TTN: variants seen among roughly 807,000 people sequenced by gnomAD.
TTN encodes the protein connectin.
A neutral mutation model predicts 3,223.0 loss-of-function variants in TTN; 1,525 were observed. That is an observed-to-expected ratio of 0.47 (90% CI 0.45 to 0.49). The LOEUF is 0.49. Ranked by LOEUF, TTN falls within the 20% of genes least tolerant of loss-of-function variation. The probability of loss-of-function intolerance (pLI) is 0.00; values close to 1 mark genes in which losing one functional copy is unlikely to be tolerated. For missense variants in TTN, 40,786 were observed against 43,424.0 expected (o/e 0.94, Z 5.40); for synonymous variants, 14,094 against 15,161.0 (o/e 0.93, Z 5.17).
Position 178,631,267 on chromosome 2 carries a change from T to C in TTN, c.43781A>G (p.Asp14594Gly). Reference sequence around the variant, plus strand: ...TTCATCTTTCTCTACACCAGTATAATCTTGAAGTTTTCCTGTAAAATATGG... The same window carrying C: ...TTCATCTTTCTCTACACCAGTATAACCTTGAAGTTTTCCTGTAAAATATGG... ...GDPYFTGKLQ[D>G]YTGVEKDEVI... Residue 14594 changes from aspartate (D) to glycine (G), a missense_variant, in exon 237 of 363, where the codon GAT (aspartate) becomes GGT (glycine). Asp to Gly is a moderately conservative substitution (Grantham distance 94). Coordinates refer to ENST00000589042, the MANE Select transcript of TTN (RefSeq NM_001267550.2). The C allele has an allele frequency of 1.2e-6, 2 of 1,610,994 alleles. No individual in the cohort carries two copies. Among genetic ancestry groups the C allele is most frequent in the Admixed American group, 3.3e-5 (2 of 59,830 alleles).
intron 76 of TTN, 43 bp from the exon 77 acceptor site, chr2:178,722,589 T>C (rs977443031): frequency 3.1e-6 from 5 of 1,590,640 alleles, no homozygotes; most frequent in Admixed American, 1.8e-5. Flanking sequence ...GGAGATGAAA[T>C]GAGAAGTTCA....
Position 178,533,138 on chromosome 2 carries a change from C to A in TTN, c.103477G>T (p.Val34493Leu), listed in dbSNP as rs1166346683. The A allele has an allele frequency of 3.1e-6, 5 of 1,613,882 alleles. No homozygotes were observed. The highest frequency in any genetic ancestry group is 4.2e-6 in the Non-Finnish European group (5 of 1,179,884). Residue 34493 changes from valine to leucine, a missense_variant, in exon 358 of 363, where the codon GTA (valine) becomes TTA (leucine). Physicochemically the swap from Val to Leu is conservative, Grantham distance 32. Transcript: ENST00000589042. ...MAEILSGTESVPLTQVAKEAL... is the reference protein window; with the variant it reads ...MAEILSGTESLPLTQVAKEAL... ...TCTTTAGCTACCTGTGTCAGTGGTA[C>A]ACTTTCAGTTCCAGAAAGAATTTCA...
chr2:178,705,188 C>T lies in TTN; in HGVS notation c.29590G>A (p.Glu9864Lys), dbSNP rs776836480. 3 of 1,613,138 alleles carry T rather than the reference C, an allele frequency of 1.9e-6. No homozygotes were observed. In the African/African-American group the frequency reaches 4.0e-5, roughly 22 times the overall value. Residue 9864 changes from glutamate to lysine, a missense_variant, in exon 103 of 363, where the codon GAG becomes AAG. By Grantham distance (56) the Glu-to-Lys change is moderately conservative. Coordinates refer to ENST00000589042, the MANE Select transcript of TTN (RefSeq NM_001267550.2). ...AAGGAGCATACCAGTCTATGTGTCT[C>T]TTCTTCTTGGCTTTGCTTGAGCAGT... ...FELLKQSQEE[E>K]THRLEIEEIE...
rs574956800 is a variant in TTN at position 178,668,872 on chromosome 2, A to AC, written c.35545+500dup. 6.5e-3 allele frequency among the ~76,000 whole-genome samples: 943 copies of AC among 145,344 alleles called. 7 individuals carry two copies. The highest frequency in any genetic ancestry group is 0.025 in the East Asian group (122 of 4,920). On this transcript the variant is annotated intron_variant, in intron 159 of 362. Coordinates refer to ENST00000589042, the MANE Select transcript of TTN (RefSeq NM_001267550.2). The stretch of plus-strand genomic sequence containing the variant: ...TTATTTAAACCTAATTTTGTATGAA[A>AC]CCCCCCCCCAAAAAAAAAGGTCGTG...
Position 178,616,819 on chromosome 2 carries a change from G to C in TTN, c.48070C>G (p.Pro16024Ala), listed in dbSNP as rs750357667. The C allele has an allele frequency of 5.6e-6, 9 of 1,612,522 alleles. No homozygotes were observed. The African/African-American group carries it at 1.1e-4, about 19-fold the overall frequency. ...LSAYAELVIS[P>A]SERSDKGIYT... is the part of the protein sequence containing the mutation. ...ATGCCCTTGTCTGAACGTTCACTTG[G>C]AGAAATGACAAGTTCGGCATAGGCA... The change falls in exon 256 of 363, where the codon CCA (proline) becomes GCA (alanine). Residue 16024 changes from proline (P) to alanine (A), a missense_variant. Coordinates refer to ENST00000589042, the MANE Select transcript of TTN (RefSeq NM_001267550.2).
Position 178,613,762 on chromosome 2 carries a change from G to A in TTN, c.49521C>T (p.Asp16507=). 1 of 1,612,188 alleles carries A rather than the reference G, an allele frequency of 6.2e-7. No individual in the cohort carries two copies. The highest frequency in any genetic ancestry group is 1.3e-5 in the African/African-American group (1 of 74,852). Residue 16507 remains aspartate (D), a synonymous_variant, in exon 263 of 363, where the codon GAC becomes GAT. Coordinates refer to ENST00000589042, the MANE Select transcript of TTN (RefSeq NM_001267550.2). The part of the protein sequence containing the change: ...WVRCNKMPVK[D]TTYRVKGLTN... ...GATTCTGAGCATACCTGTATGTTGT[G>A]TCCTTTACTGGCATCTTATTGCATC... is the stretch of plus-strand genomic sequence containing the variant.
intron 47 of TTN, chr2:178,746,849 G>T: frequency 6.2e-7 from 1 of 1,613,422 alleles, no homozygotes; most frequent in Non-Finnish European, 8.5e-7. Context: ...TTCAATAAAA[G>T]ATGGAGGCAT....
In TTN at chr2:178,704,415, T is replaced by C; in HGVS notation, c.29963-8A>G. The C allele has an allele frequency of 6.2e-7, 1 of 1,610,992 alleles. No individual in the cohort carries two copies. The highest frequency in any genetic ancestry group is 1.1e-5 in the South Asian group (1 of 90,860). On this transcript the variant is annotated splice_polypyrimidine_tract_variant and splice_region_variant and intron_variant, in intron 105 of 362. Coordinates refer to ENST00000589042, the MANE Select transcript of TTN (RefSeq NM_001267550.2). ...GCCGTTCCCATGCAGGCTCTGTTCA[T>C]GTGATACAACACGCATTTTGTTCAA...
At position 178,576,848 on chromosome 2, in the gene TTN, T is replaced by C. The variant is rs1373585554; in HGVS notation, c.69413-17A>G. On this transcript the variant is annotated splice_polypyrimidine_tract_variant and intron_variant, in intron 324 of 362. Coordinates refer to ENST00000589042, the MANE Select transcript of TTN (RefSeq NM_001267550.2). This position sits in a 1 kb window ranked among gnomAD's most constrained non-coding sequence, Gnocchi z 4.3. Reference sequence around the variant, plus strand: ...CAGGGGGACCTGAAAAGGAAGCAAATTTATTAGAAATCCATGATTTCCTAA... The same window carrying C: ...CAGGGGGACCTGAAAAGGAAGCAAACTTATTAGAAATCCATGATTTCCTAA... 1 of 1,602,296 alleles carries C rather than the reference T, an allele frequency of 6.2e-7. No homozygotes were observed. Among genetic ancestry groups the C allele is most frequent in the South Asian group, 1.1e-5 (1 of 88,226 alleles).
Position 178,776,032 on chromosome 2 carries a change from T to C in TTN, c.5832A>G (p.Glu1944=), listed in dbSNP as rs1180972185. 1 of 1,614,016 alleles carries C rather than the reference T, an allele frequency of 6.2e-7. No individual in the cohort carries two copies. Among genetic ancestry groups the C allele is most frequent in the African/African-American group, 1.3e-5 (1 of 74,910 alleles). The change falls in exon 28 of 363, where the codon GAA becomes GAG. Residue 1944 remains glutamate, a synonymous_variant. Transcript: ENST00000589042. The stretch of plus-strand genomic sequence containing the variant: ...CATGTACGTGAAACTCAGGCCTTGG[T>C]TCAGGAGCTCTCCTAAGGACAGACC... ...DFRSVLRRAP[E]PRPEFHVHEP... is the part of the protein sequence containing the mutation.
At position 178,695,863 on chromosome 2, in the gene TTN, A is replaced by G. The variant is rs1280035022; in HGVS notation, c.31207+2T>C. 24 of 1,443,434 alleles carry G rather than the reference A, an allele frequency of 1.7e-5. No individual in the cohort carries two copies. The highest frequency in any genetic ancestry group is 1.8e-5 in the Non-Finnish European group (20 of 1,098,252). 89.4% of individuals were successfully genotyped at this position (1,443,434 alleles called of 1,614,324 possible). A position where few individuals can be genotyped will look rare whatever the true frequency, so the allele number is the denominator to read the frequency against. On this transcript the variant is annotated splice_donor_variant, in intron 114 of 362. Coordinates refer to ENST00000589042, the MANE Select transcript of TTN (RefSeq NM_001267550.2). LOFTEE classifies it high-confidence loss of function. ...GAAACAAGTCATTCAGTTTATACATACCTTCATAGACCTCCTTTTGAACTT... is the reference window on the plus strand; with the variant it reads ...GAAACAAGTCATTCAGTTTATACATGCCTTCATAGACCTCCTTTTGAACTT...
In TTN at chr2:178,594,667, ATTGTGGT is replaced by A. The variant is rs1342707968; in HGVS notation, c.57848-28_57848-22del. 2.6e-6 allele frequency: 4 copies of A among 1,547,280 alleles called. No homozygotes were observed. The Admixed American group carries it at 6.1e-5, about 24-fold the overall frequency. On this transcript the variant is annotated intron_variant, in intron 295 of 362. Transcript: ENST00000589042. ...TACAGCTGCGAATATAAGTATAGGA[ATTGTGGT>A]AGAAAAAAATGTCACATTAAGAATG... is the stretch of plus-strand genomic sequence containing the variant.
chr2:178,673,750 T>G, intron 151 of TTN, 40 bp from the exon 152 acceptor site: 1 of 1,481,324 alleles, frequency 6.8e-7, no homozygotes, highest in East Asian at 2.3e-5. Flanking sequence ...AAGTGGCATG[T>G]GATGAGCAGA....
At chr2:178,650,377 A>C (rs1476567049) in intron 209 of TTN, 106 bp from the exon 210 acceptor site, 1 of 1,061,218 alleles carries the variant, frequency 9.4e-7, no homozygotes, top group Middle Eastern at 3.1e-4. Flanking sequence ...CTTTGTTTCA[A>C]TTGATACCTT....
Position 178,741,274 on chromosome 2 carries a change from T to C in TTN, c.11959A>G (p.Ile3987Val), listed in dbSNP as rs551387805. 1.1e-4 allele frequency: 181 copies of C among 1,613,906 alleles called. 2 individuals are homozygous for C. The South Asian group carries it at 1.7e-3, about 15-fold the overall frequency. ...QLCTSVYYTIIHNPNGSGTFI... is the reference protein window; with the variant it reads ...QLCTSVYYTIVHNPNGSGTFI... ...GTTCCAGAGCCATTAGGGTTATGAATGATAGTGTAATAAACACTGGTGCAA... is the reference window on the plus strand; with the variant it reads ...GTTCCAGAGCCATTAGGGTTATGAACGATAGTGTAATAAACACTGGTGCAA... Residue 3987 changes from isoleucine to valine, a missense_variant, in exon 48 of 363, where the codon ATT (isoleucine) becomes GTT (valine). Ile to Val is a conservative substitution (Grantham distance 29). Coordinates refer to ENST00000589042, the MANE Select transcript of TTN (RefSeq NM_001267550.2).
rs1560102522 is a variant in TTN, at chr2:178,651,914, C to G, written c.39349G>C (p.Glu13117Gln). 1 of 1,609,942 alleles carries G rather than the reference C, an allele frequency of 6.2e-7. No homozygotes were observed. Among genetic ancestry groups the G allele is most frequent in the Non-Finnish European group, 8.5e-7 (1 of 1,178,240 alleles). Residue 13117 changes from glutamate to glutamine, a missense_variant, in exon 205 of 363, where the codon GAA (glutamate) becomes CAA (glutamine). Coordinates refer to ENST00000589042, the MANE Select transcript of TTN (RefSeq NM_001267550.2). Reference protein sequence around the residue: ...ALEEPPAEVVEEPEPAAPPQV... With the variant: ...ALEEPPAEVVQEPEPAAPPQV... ...GGAGGCGCCGCTGGCTCTGGCTCTT[C>G]CACAACTTCAGCAGGAGGCTCTTCT... is the stretch of plus-strand genomic sequence containing the variant.
rs562309540 is a variant in TTN at position 178,620,740 on chromosome 2, T to C, written c.45870A>G (p.Lys15290=). The change falls in exon 247 of 363, where the codon AAA becomes AAG. Residue 15290 remains lysine (K), a synonymous_variant. Transcript: ENST00000589042. ...CTTCTACTATTAGATTGGCTGCACT[T>C]TTAACATTTTCACCTCTGTGATTGG... ...SLTNHRGENV[K]SAANLIVEEE... is the part of the protein sequence containing the mutation. 1 of 1,612,712 alleles carries C rather than the reference T, an allele frequency of 6.2e-7. No homozygotes were observed. Among genetic ancestry groups the C allele is most frequent in the African/African-American group, 1.3e-5 (1 of 74,934 alleles).
At position 178,700,828 on chromosome 2, in the gene TTN, ATAG is replaced by A. The variant is rs201005033; in HGVS notation, c.30682+289_30682+291del. ...GGTTCCATTATTCTTTTTGTTATAC[ATAG>A]TAGTTAGGAAAATATGAAACATTAA... On this transcript the variant is annotated intron_variant, in intron 111 of 362. Transcript: ENST00000589042. 0.012 allele frequency among the ~76,000 whole-genome samples: 1,807 copies of A among 148,756 alleles called. 28 individuals carry two copies. The highest frequency in any genetic ancestry group is 0.043 in the African/African-American group (1,664 of 39,034).
chr2:178,531,637 G>C lies in TTN; in HGVS notation c.104978C>G (p.Thr34993Arg). The part of the protein sequence containing the change: ...QESSKIHYTN[T>R]SGVLTLEILD... ...AATTTCCAGGGTGAGGACTCCACTC[G>C]TGTTGGTGTAATGAATCTTACTGCT... is the stretch of plus-strand genomic sequence containing the variant. The change falls in exon 358 of 363, where the codon ACG (threonine) becomes AGG (arginine). Residue 34993 changes from threonine to arginine, a missense_variant. By Grantham distance (71) the Thr-to-Arg change is moderately conservative. Transcript: ENST00000589042. 6.2e-7 allele frequency: 1 copy of C among 1,613,994 alleles called. No individual in the cohort carries two copies. The highest frequency in any genetic ancestry group is 8.5e-7 in the Non-Finnish European group (1 of 1,179,880).
Sources: gnomAD v4.1 joint callset for allele counts (sites outside exome capture counted in the v4.1 genomes callset) on GRCh38, gnomAD v4.1.1 for gene constraint, Gnocchi (gnomAD v3.1) non-coding constraint, MANE v1.5 for transcripts, NCBI Gene and HGNC (gene_info 2026-07-23, HGNC 2026-07-21) for gene names.